Variants in PIK3R6 observed in about 807,000 individuals in gnomAD.
The protein encoded by PIK3R6 is phosphoinositide 3-kinase regulatory subunit 6.
A neutral mutation model predicts 84.9 loss-of-function variants in PIK3R6; 91 were observed. The ratio of observed to expected loss-of-function variants is 1.07; its 90% CI spans 0.90 to 1.28. The LOEUF is 1.28. Ranked by LOEUF, PIK3R6 falls within the 50% of genes most tolerant of loss-of-function variation. The probability of loss-of-function intolerance (pLI) is 0.00; values close to 1 mark genes in which losing one functional copy is unlikely to be tolerated. For synonymous variants in PIK3R6, 416 were observed against 411.4 expected (o/e 1.01, Z -0.13); for missense variants, 996 against 985.1 (o/e 1.01, Z -0.15).
intron 18 of PIK3R6, among the ~76,000 whole-genome samples, chr17:8,809,397 C>T (rs527973183): frequency 3.0e-4 from 46 of 152,254 alleles, no homozygotes; most frequent in African/African-American, 1.1e-3. Context: ...CACAAGACTG[C>T]AAAGCAACTA....
At chr17:8,846,441 G>C (rs550365405) in intron 2 of PIK3R6, among the ~76,000 whole-genome samples, 4 of 151,940 alleles carry the variant, frequency 2.6e-5, no homozygotes, top group Non-Finnish European at 4.4e-5. Context: ...TTGGCTATTT[G>C]GGCCCTTTTT....
intron 1 of PIK3R6, among the ~76,000 whole-genome samples, chr17:8,861,570 A>G (rs2089286987): frequency 6.6e-6 from 1 of 152,238 alleles, no homozygotes; most frequent in African/African-American, 2.4e-5. Flanking sequence ...CCTGCCCGGA[A>G]TGTGAAGCGT....
Position 8,803,307 on chromosome 17 carries a change from A to G in PIK3R6, c.2231T>C (p.Met744Thr). The G allele has an allele frequency of 1.9e-6, 3 of 1,612,886 alleles. No individual in the cohort carries two copies. Among genetic ancestry groups the G allele is most frequent in the Non-Finnish European group, 2.5e-6 (3 of 1,179,774 alleles). The change falls in exon 20 of 20, where the codon ATG (methionine) becomes ACG (threonine). Residue 744 changes from methionine to threonine, a missense_variant. By Grantham distance (81) the Met-to-Thr change is moderately conservative (BLOSUM62 -1). Transcript: ENST00000619866. The surrounding 1 kb of genome is among the most constrained non-coding windows in gnomAD (Gnocchi z 5.0). ...AATACCAGAGAATGTGTTGATGGGC[A>G]TCAGAAGGGGCTTGGGCTTGGCTTT... Reference protein sequence around the residue: ...AIKAKPKPLLMPINTFSGIVQ With the variant: ...AIKAKPKPLLTPINTFSGIVQ
At chr17:8,865,876 G>A (rs1402145322) in intron 1 of PIK3R6, among the ~76,000 whole-genome samples, 1 of 151,734 alleles carries the variant, frequency 6.6e-6, no homozygotes, top group East Asian at 1.9e-4. Flanking sequence ...AGCCAGTGGG[G>A]TGGGGGTGGG....
chr17:8,829,795 G>A lies in PIK3R6; in HGVS notation c.803-3C>T, dbSNP rs553549963. ...TGGCCGCTCTTGGACAAGGTCACCT[G>A]CAGAAAGGAGCAGGCTGTGGAGGCC... On this transcript the variant is annotated splice_region_variant and splice_polypyrimidine_tract_variant and intron_variant, in intron 9 of 19. Transcript: ENST00000619866. 22 of 1,549,708 alleles carry A rather than the reference G, an allele frequency of 1.4e-5. No homozygotes were observed. In the South Asian group the frequency reaches 2.6e-4, roughly 18 times the overall value.
At chr17:8,863,798 G>T (rs552038961) in intron 1 of PIK3R6, among the ~76,000 whole-genome samples, 18 of 152,320 alleles carry the variant, frequency 1.2e-4, no homozygotes, top group Non-Finnish European at 2.1e-4. Context: ...CTCCCAAAGT[G>T]CTGGGGATTA....
intron 1 of PIK3R6, among the ~76,000 whole-genome samples, chr17:8,856,054 C>G (rs948032017): frequency 2.0e-5 from 3 of 152,220 alleles, no homozygotes; most frequent in Non-Finnish European, 4.4e-5. Context: ...TGAGTAAAGG[C>G]AGCCAGGCGC....
intron 7 of PIK3R6, among the ~76,000 whole-genome samples, chr17:8,835,977 C>A (rs2088445744): frequency 6.6e-6 from 1 of 152,168 alleles, no homozygotes; most frequent in Admixed American, 6.5e-5. Flanking sequence ...GCACCTCACA[C>A]CCCAAACTCA....
chr17:8,828,198 T>A lies in PIK3R6; in HGVS notation c.1314-8A>T, dbSNP rs1332599616. ...TTCTGGGTCTCCCGTTTCCTAGCAATGGGCAGCAAAGCAGAGGAGGTTAGG... is the reference window on the plus strand; with the variant it reads ...TTCTGGGTCTCCCGTTTCCTAGCAAAGGGCAGCAAAGCAGAGGAGGTTAGG... On this transcript the variant is annotated splice_polypyrimidine_tract_variant and splice_region_variant and intron_variant, in intron 11 of 19. Coordinates refer to ENST00000619866, the MANE Select transcript of PIK3R6 (RefSeq NM_001010855.4). The A allele has an allele frequency of 6.2e-7, 1 of 1,613,682 alleles. No individual in the cohort carries two copies. The highest frequency in any genetic ancestry group is 1.1e-5 in the South Asian group (1 of 91,086).
Position 8,851,269 on chromosome 17 carries a change from G to A in PIK3R6, c.-91-1384C>T, listed in dbSNP as rs562695047. Among the ~76,000 whole-genome samples the A allele has an allele frequency of 7.2e-5, 11 of 152,170 alleles. No homozygotes were observed. In the South Asian group the frequency reaches 8.3e-4, roughly 11 times the overall value. On this transcript the variant is annotated intron_variant, in intron 1 of 19. Transcript: ENST00000619866. ...TCCCAGCATTTTGGGAGGCCGAGGC[G>A]GGCAGATCACGAGGTCAGGAGATGG...
chr17:8,829,096 CAG>C, intron 10 of PIK3R6, 106 bp from the exon 11 acceptor site: 1 of 1,116,326 alleles, frequency 9.0e-7, no homozygotes, highest in Non-Finnish European at 1.2e-6. Flanking sequence ...GAAACACAGA[CAG>C]ACACATAAAG....
chr17:8,829,665 G>T, intron 10 of PIK3R6, 41 bp downstream of exon 10: 1 of 1,525,372 alleles, frequency 6.6e-7, no homozygotes, highest in South Asian at 1.2e-5. Context: ...CACAGACACA[G>T]ACATATACCA....
At chr17:8,830,849 A>G (rs563477327) in intron 9 of PIK3R6, among the ~76,000 whole-genome samples, 1 of 152,252 alleles carries the variant, frequency 6.6e-6, no homozygotes, top group South Asian at 2.1e-4. Context: ...GGTCATTAAG[A>G]TGCACAGGGC....
intron 10 of PIK3R6, 87 bp downstream of exon 10, chr17:8,829,619 C>T (rs2088158382): frequency 7.5e-7 from 1 of 1,326,276 alleles, no homozygotes; most frequent in Admixed American, 2.1e-5. Flanking sequence ...CTGACACACG[C>T]ATGCACACTG....
chr17:8,829,820 CA>C (rs2088172693), intron 9 of PIK3R6, 28 bp from the exon 10 acceptor site: 2 of 1,537,426 alleles, frequency 1.3e-6, no homozygotes, highest in Admixed American at 4.0e-5. Flanking sequence ...CTGTGGAGGC[CA>C]TGGAGGAGGC....
chr17:8,819,942 TA>T (rs1232416566), intron 17 of PIK3R6, among the ~76,000 whole-genome samples: 1 of 124,116 alleles, frequency 8.1e-6, no homozygotes, highest in African/African-American at 3.8e-5. Flanking sequence ...TATATATTTT[TA>T]TATATATATA....
At chr17:8,853,635 T>C (rs57055035) in intron 1 of PIK3R6, among the ~76,000 whole-genome samples, 2,043 of 151,992 alleles carry the variant, frequency 0.013, 42 homozygotes, top group African/African-American at 0.046. Context: ...AGAGAAATAC[T>C]GTGTTCATTG....
At chr17:8,831,063 G>A (rs1344959238) in intron 9 of PIK3R6, among the ~76,000 whole-genome samples, 3 of 150,142 alleles carry the variant, frequency 2.0e-5, no homozygotes, top group African/African-American at 4.9e-5. Flanking sequence ...GGAGAATGGC[G>A]TGAACCCAGG....
At chr17:8,864,554 T>C (rs2089360287) in intron 1 of PIK3R6, among the ~76,000 whole-genome samples, 2 of 143,326 alleles carry the variant, frequency 1.4e-5, no homozygotes, top group Non-Finnish European at 3.1e-5. Context: ...TTTTTTTTTT[T>C]TTTAGACAGA....
Sources: allele counts gnomAD v4.1 joint callset (sites outside exome capture counted in the v4.1 genomes callset), GRCh38; gene constraint gnomAD v4.1.1; non-coding constraint Gnocchi (gnomAD v3.1); transcripts MANE v1.5; gene names NCBI Gene and HGNC (gene_info 2026-07-23, HGNC 2026-07-21).